Variants in HSD17B3 observed in about 807,000 individuals in gnomAD.
The protein encoded by HSD17B3 is hydroxysteroid 17-beta dehydrogenase 3, also known as 17-beta-hydroxysteroid dehydrogenase type 3.
HSD17B3 carries 29 observed loss-of-function variants against 41.1 expected under a neutral mutation model. The observed-to-expected ratio is 0.71, with a 90% CI of 0.53 to 0.96. The LOEUF (loss-of-function observed/expected upper bound fraction) is 0.96. Among genes scored for constraint, HSD17B3 ranks in the 40% least tolerant of loss-of-function variants. The probability of loss-of-function intolerance (pLI) is 0.00; values close to 1 mark genes in which losing one functional copy is unlikely to be tolerated. For synonymous variants in HSD17B3, 126 were observed against 145.6 expected, an observed-to-expected ratio of 0.87 and a Z score of 0.97; for missense variants, 323 against 374.6, an observed-to-expected ratio of 0.86 and a Z score of 1.14.
chr9:96,268,910 C>T (rs1826136469), intron 2 of HSD17B3, among the ~76,000 whole-genome samples: 1 of 152,078 alleles, frequency 6.6e-6, no homozygotes, highest in African/African-American at 2.4e-5. Flanking sequence ...GATCGTGGCA[C>T]TGCACTTCAG....
At chr9:96,248,357 A>T (rs941085140) in intron 6 of HSD17B3, among the ~76,000 whole-genome samples, 1 of 152,116 alleles carries the variant, frequency 6.6e-6, no homozygotes, top group Non-Finnish European at 1.5e-5. Context: ...GAAAAGAAAA[A>T]ATTTTTTGTC....
intron 2 of HSD17B3, among the ~76,000 whole-genome samples, chr9:96,255,687 G>A (rs1825624235): frequency 6.6e-6 from 1 of 152,166 alleles, no homozygotes; most frequent in Non-Finnish European, 1.5e-5. Context: ...ACCATGCCCG[G>A]CCATCTGCCC....
intron 2 of HSD17B3, among the ~76,000 whole-genome samples, chr9:96,265,267 T>A (rs2130751319): frequency 6.6e-6 from 1 of 152,368 alleles, no homozygotes; most frequent in African/African-American, 2.4e-5. Flanking sequence ...TCAGCAATAT[T>A]ATTTTGCATT....
chr9:96,242,005 G>GAAAGAAAGAAAGAAA (rs10639457), intron 9 of HSD17B3, among the ~76,000 whole-genome samples: 4 of 68,530 alleles, frequency 5.8e-5, no homozygotes, highest in Non-Finnish European at 1.3e-4. Flanking sequence ...AAGAAAGAAA[G>GAAAGAAAGAAAGAAA]AGAAAGAAAA....
intron 2 of HSD17B3, among the ~76,000 whole-genome samples, chr9:96,295,163 C>T (rs1353339741): frequency 2.6e-5 from 4 of 151,276 alleles, no homozygotes; most frequent in South Asian, 2.1e-4. Context: ...AGCACCACCA[C>T]GCCTGGCTAA....
chr9:96,261,723 C>A (rs1168867022), intron 2 of HSD17B3, among the ~76,000 whole-genome samples: 1 of 152,214 alleles, frequency 6.6e-6, no homozygotes, highest in Non-Finnish European at 1.5e-5. Flanking sequence ...CAGACCTGCC[C>A]AATGCCTCTT....
chr9:96,246,626 A>G lies in HSD17B3; in HGVS notation c.490-36T>C, dbSNP rs377378323. On this transcript the variant is annotated intron_variant, in intron 6 of 10. Transcript: ENST00000375263. ...AGGCCAAAGGTAAGCCCGACAAGGA[A>G]CTAAGTAGCAGTGCAAGGGGGCGGG... 1.6e-5 allele frequency: 26 copies of G among 1,605,918 alleles called. No individual in the cohort carries two copies. In the African/African-American group the frequency reaches 3.5e-4, roughly 21 times the overall value.
At chr9:96,270,642 G>C (rs9299363) in intron 2 of HSD17B3, among the ~76,000 whole-genome samples, 44,748 of 152,192 alleles carry the variant, frequency 0.29, 7,182 homozygotes, top group Non-Finnish European at 0.37. Flanking sequence ...TTTAATCCAA[G>C]GGCCAACTGT....
intron 2 of HSD17B3, among the ~76,000 whole-genome samples, chr9:96,277,839 A>G (rs989575654): frequency 1.0e-4 from 6 of 58,050 alleles, no homozygotes; most frequent in African/African-American, 3.4e-4. Flanking sequence ...AATGTGGCAC[A>G]CACACACACA....
At chr9:96,240,357 C>A (rs1836389216) in intron 10 of HSD17B3, among the ~76,000 whole-genome samples, 1 of 152,212 alleles carries the variant, frequency 6.6e-6, no homozygotes, top group South Asian at 2.1e-4. Context: ...CCGTGGAAGT[C>A]AAATGCTACA....
chr9:96,279,930 T>C (rs1417851555), intron 2 of HSD17B3, among the ~76,000 whole-genome samples: 2 of 152,130 alleles, frequency 1.3e-5, no homozygotes, highest in Non-Finnish European at 2.9e-5. Context: ...CCACCACCCC[T>C]GGCTAATTTT....
intron 1 of HSD17B3, among the ~76,000 whole-genome samples, chr9:96,301,210 T>C (rs181731514): frequency 6.6e-6 from 1 of 152,110 alleles, no homozygotes; most frequent in Non-Finnish European, 1.5e-5. Context: ...ATCCCCCCAA[T>C]TAAAATTACC....
intron 10 of HSD17B3, among the ~76,000 whole-genome samples, chr9:96,236,811 G>C (rs1363552176): frequency 6.6e-6 from 1 of 152,082 alleles, no homozygotes; most frequent in Non-Finnish European, 1.5e-5. Context: ...CTGGGGTCCA[G>C]GACCCCAGAA....
At position 96,271,168 on chromosome 9, in the gene HSD17B3, A is replaced by G. The variant is rs148929319; in HGVS notation, c.202-16225T>C. On this transcript the variant is annotated intron_variant, in intron 2 of 10. Coordinates refer to ENST00000375263, the MANE Select transcript of HSD17B3 (RefSeq NM_000197.2). ...TTAGTGTTCATCCCTAAAGGCTGAT[A>G]AAAGAGACATGGTACATCCATGGGA... Among the ~76,000 whole-genome samples, 88 of 152,308 alleles carry G rather than the reference A, an allele frequency of 5.8e-4. 1 individual carries two copies. The East Asian group carries it at 0.014, about 24-fold the overall frequency.
chr9:96,255,581 G>T (rs898237402), intron 2 of HSD17B3, among the ~76,000 whole-genome samples: 4 of 151,534 alleles, frequency 2.6e-5, no homozygotes, highest in Admixed American at 1.3e-4. Context: ...GTGGAGACAG[G>T]GTTTCCCCGT....
chr9:96,265,606 G>A (rs1199924287), intron 2 of HSD17B3, among the ~76,000 whole-genome samples: 2 of 152,136 alleles, frequency 1.3e-5, no homozygotes, highest in Non-Finnish European at 2.9e-5. Flanking sequence ...TCAAGAGATA[G>A]CCTAAAAGAG....
At chr9:96,289,529 A>G (rs1827064380) in intron 2 of HSD17B3, among the ~76,000 whole-genome samples, 1 of 152,174 alleles carries the variant, frequency 6.6e-6, no homozygotes. Context: ...TGGCTAAAGA[A>G]TTAAGCACCT....
intron 2 of HSD17B3, among the ~76,000 whole-genome samples, chr9:96,255,636 C>T (rs1305780209): frequency 4.6e-5 from 7 of 152,130 alleles, no homozygotes; most frequent in African/African-American, 7.2e-5. Flanking sequence ...GTGATCCGTC[C>T]GCCTCAGCCT....
chr9:96,294,255 A>C lies in HSD17B3; in HGVS notation c.201+4161T>G, dbSNP rs200613536. 5.3e-5 allele frequency among the ~76,000 whole-genome samples: 8 copies of C among 152,248 alleles called. No homozygotes were observed. In the East Asian group the frequency reaches 1.5e-3, roughly 29 times the overall value. On this transcript the variant is annotated intron_variant, in intron 2 of 10. Coordinates refer to ENST00000375263, the MANE Select transcript of HSD17B3 (RefSeq NM_000197.2). ...AAAGTGAGACCTCATCTCTACAAAA[A>C]AAAAAAATTAAATAAAAAGGCAAAG...
Sources: allele counts gnomAD v4.1 joint callset (sites outside exome capture counted in the v4.1 genomes callset), GRCh38; gene constraint gnomAD v4.1.1; transcripts MANE v1.5; gene names NCBI Gene and HGNC (gene_info 2026-07-23, HGNC 2026-07-21).